The following DGKB variants were observed in gnomAD, a reference collection of about 807,000 sequenced individuals.
DGKB encodes 90 kDa diacylglycerol kinase.
DGKB carries 67 observed loss-of-function variants against 114.3 expected under a neutral mutation model. The ratio of observed to expected loss-of-function variants is 0.59; its 90% CI spans 0.48 to 0.72. DGKB has a LOEUF of 0.72. Among genes scored for constraint, DGKB ranks in the 30% least tolerant of loss-of-function variants. The pLI, the probability that DGKB is intolerant of heterozygous loss-of-function variation, is 0.00. For missense variants in DGKB, 907 were observed against 975.2 expected (o/e 0.93, Z 0.93); for synonymous variants, 398 against 323.1 (o/e 1.23, Z -2.49).
chr7:14,523,504 A>G (rs1294151705), intron 20 of DGKB, among the ~76,000 whole-genome samples: 3 of 152,196 alleles, frequency 2.0e-5, no homozygotes, highest in African/African-American at 7.2e-5. Flanking sequence ...ATAGTCTTCC[A>G]TACAGTAAGC....
At chr7:14,565,726 T>G (rs191514070) in intron 20 of DGKB, among the ~76,000 whole-genome samples, 2 of 152,330 alleles carry the variant, frequency 1.3e-5, no homozygotes, top group Non-Finnish European at 2.9e-5. Context: ...CTTTCCAGTT[T>G]TTTTCAGTAT....
At chr7:14,770,790 A>T (rs191657616) in intron 2 of DGKB, among the ~76,000 whole-genome samples, 4 of 152,154 alleles carry the variant, frequency 2.6e-5, no homozygotes, top group Middle Eastern at 6.8e-3. Context: ...CTAACAGCTG[A>T]ACAGACAGGC....
chr7:14,423,786 T>C, intron 21 of DGKB, among the ~76,000 whole-genome samples: 1 of 152,132 alleles, frequency 6.6e-6, no homozygotes. Context: ...ATTTGGTATA[T>C]GGCAATATAT....
intron 21 of DGKB, among the ~76,000 whole-genome samples, chr7:14,381,616 T>C (rs1250260206): frequency 1.3e-5 from 2 of 152,084 alleles, no homozygotes; most frequent in African/African-American, 4.8e-5. Context: ...TCCTCTTGCT[T>C]TGTCTATTTT....
intron 21 of DGKB, among the ~76,000 whole-genome samples, chr7:14,444,121 G>A (rs372482183): frequency 4.0e-5 from 6 of 151,668 alleles, no homozygotes; most frequent in Admixed American, 2.6e-4. Flanking sequence ...AAATAAATTG[G>A]TTTTGTAAAC....
chr7:14,613,231 T>C lies in DGKB; in HGVS notation c.1358+109A>G. 4.7e-6 allele frequency: 3 copies of C among 639,700 alleles called. No homozygotes were observed. In the East Asian group the frequency reaches 8.4e-5, roughly 18 times the overall value. The allele number at this position is 639,700 out of a possible 1,614,324, so 39.6% of individuals were successfully genotyped here. ...AAATGCTAGCATCATTTATTTTGCA[T>C]TAAAATTAGCAGAGAGGAATAATTG... On this transcript the variant is annotated intron_variant, in intron 16 of 25. Coordinates refer to ENST00000402815, the MANE Select transcript of DGKB (RefSeq NM_001350709.2).
chr7:14,685,404 A>G (rs1441365808), intron 9 of DGKB, 42 bp from the exon 10 acceptor site: 8 of 1,415,528 alleles, frequency 5.7e-6, no homozygotes, highest in African/African-American at 1.4e-5. Flanking sequence ...TTAATGAAAT[A>G]AACAGTGAAA....
chr7:14,427,101 G>T (rs112811048), intron 21 of DGKB, among the ~76,000 whole-genome samples: 3 of 151,850 alleles, frequency 2.0e-5, no homozygotes, highest in Admixed American at 6.6e-5. Context: ...GTCAGGGAGT[G>T]GGGGGTGGGA....
intron 2 of DGKB, among the ~76,000 whole-genome samples, chr7:14,785,872 A>C (rs2128496294): frequency 6.6e-6 from 1 of 151,438 alleles, no homozygotes; most frequent in South Asian, 2.1e-4. Context: ...CAATTTTCAG[A>C]CATTAAAGGA....
intron 1 of DGKB, among the ~76,000 whole-genome samples, chr7:14,972,938 C>A (rs60992170): frequency 6.6e-6 from 1 of 151,790 alleles, no homozygotes; most frequent in African/African-American, 2.4e-5. Context: ...AGTGGGTTAA[C>A]GTTATATATG....
chr7:14,233,110 T>C (rs1241076640), intron 23 of DGKB, among the ~76,000 whole-genome samples: 5 of 152,094 alleles, frequency 3.3e-5, no homozygotes, highest in East Asian at 3.9e-4. Flanking sequence ...TTGGCTTGAG[T>C]TGGAAGACAG....
rs1489181095 is a variant in DGKB, at chr7:14,338,675, A to G, written c.1962T>C (p.Ser654=). The G allele has an allele frequency of 1.3e-6, 2 of 1,591,624 alleles. No individual in the cohort carries two copies. Among genetic ancestry groups the G allele is most frequent in the Non-Finnish European group, 8.6e-7 (1 of 1,169,154 alleles). Reference sequence around the variant, plus strand: ...TATTCAAAATAGCAATTCCTTCCAGAGAGATGTTTATTAAATCTATCTGTA... The same window carrying G: ...TATTCAAAATAGCAATTCCTTCCAGGGAGATGTTTATTAAATCTATCTGTA... ...DGVQIDLINI[S]LEGIAILNIP... Residue 654 remains serine (S), a synonymous_variant, in exon 23 of 26, where the codon TCT becomes TCC. Coordinates refer to ENST00000402815, the MANE Select transcript of DGKB (RefSeq NM_001350709.2).
rs755191130 is a variant in DGKB, at chr7:14,216,725, C to CAAAAAAA, written c.2123-38581_2123-38575dup. Among the ~76,000 whole-genome samples the CAAAAAAA allele has an allele frequency of 7.8e-3, 394 of 50,312 alleles. 4 individuals are homozygous for CAAAAAAA. The highest frequency in any genetic ancestry group is 0.013 in the Non-Finnish European group (332 of 24,900). 33.0% of individuals were successfully genotyped at this position (50,312 alleles called of 152,430 possible). A position where few individuals can be genotyped will look rare whatever the true frequency, so the allele number is the denominator to read the frequency against. On this transcript the variant is annotated intron_variant, in intron 23 of 25. Transcript: ENST00000402815. The stretch of plus-strand genomic sequence containing the variant: ...TGGGTGACAGAGCAAGACTCCGTCT[C>CAAAAAAA]AAAAAAAAAAAAAAAAAAAAAAAGA...
intron 2 of DGKB, among the ~76,000 whole-genome samples, chr7:14,832,771 C>T (rs1453607112): frequency 1.3e-5 from 2 of 152,054 alleles, no homozygotes; most frequent in South Asian, 2.1e-4. Flanking sequence ...ATCCTTCTCT[C>T]CTTGCTCAAT....
At chr7:14,825,880 TA>T (rs1787358824) in intron 2 of DGKB, among the ~76,000 whole-genome samples, 1 of 152,286 alleles carries the variant, frequency 6.6e-6, no homozygotes, top group African/African-American at 2.4e-5. Flanking sequence ...CAACAAATGA[TA>T]AACTATTAGG....
chr7:14,549,240 G>T (rs995501022), intron 20 of DGKB, among the ~76,000 whole-genome samples: 2 of 152,168 alleles, frequency 1.3e-5, no homozygotes, highest in Middle Eastern at 3.4e-3. Flanking sequence ...TGGTACTATT[G>T]AACTGGTTAA....
intron 13 of DGKB, among the ~76,000 whole-genome samples, chr7:14,667,861 G>T (rs1340019739): frequency 6.6e-6 from 1 of 152,020 alleles, no homozygotes; most frequent in Non-Finnish European, 1.5e-5. Context: ...TTAGCTAGGT[G>T]GGCAAAATTT....
chr7:14,733,340 A>T (rs1282944028), intron 5 of DGKB, among the ~76,000 whole-genome samples: 5 of 152,212 alleles, frequency 3.3e-5, no homozygotes, highest in South Asian at 2.1e-4. Context: ...CACTTGCTTT[A>T]AAAAAGCTTC....
chr7:14,542,775 T>C (rs991365330), intron 20 of DGKB, among the ~76,000 whole-genome samples: 1 of 152,210 alleles, frequency 6.6e-6, no homozygotes, highest in Non-Finnish European at 1.5e-5. Context: ...GCCACTCACT[T>C]AGCAATCGCA....
Sources: allele counts gnomAD v4.1 joint callset (sites outside exome capture counted in the v4.1 genomes callset), GRCh38; gene constraint gnomAD v4.1.1; transcripts MANE v1.5; gene names NCBI Gene and HGNC (gene_info 2026-07-23, HGNC 2026-07-21).